The following CUX1 variants were observed in gnomAD, a reference collection of about 807,000 sequenced individuals.
The protein encoded by CUX1 is cut like homeobox 1.
In CUX1, 31 loss-of-function variants were observed where a neutral mutation model predicts 158.8. The observed-to-expected ratio is 0.20, with a 90% CI of 0.15 to 0.26. CUX1 has a LOEUF of 0.26. Among genes scored for constraint, CUX1 ranks in the 10% least tolerant of loss-of-function variants. The probability of loss-of-function intolerance (pLI) is 1.00; values close to 1 mark genes in which losing one functional copy is unlikely to be tolerated. For missense variants in CUX1, 1,589 were observed against 2,014.6 expected, an observed-to-expected ratio of 0.79 and a Z score of 4.04; for synonymous variants, 879 against 862.1, an observed-to-expected ratio of 1.02 and a Z score of -0.34.
At chr7:102,047,785 C>G (rs1823001863) in intron 3 of CUX1, among the ~76,000 whole-genome samples, 1 of 152,070 alleles carries the variant, frequency 6.6e-6, no homozygotes, top group Non-Finnish European at 1.5e-5. Context: ...CTTGGAAAAA[C>G]TCAATATGGA....
intron 15 of CUX1, among the ~76,000 whole-genome samples, chr7:102,198,521 CCTT>C (rs1210400524): frequency 2.6e-5 from 4 of 152,210 alleles, no homozygotes; most frequent in African/African-American, 9.6e-5. Context: ...GGGTGATCCT[CCTT>C]CAAGGCAGTC....
intron 3 of CUX1, among the ~76,000 whole-genome samples, chr7:102,051,588 G>A (rs1823503389): frequency 6.6e-6 from 1 of 150,894 alleles, no homozygotes; most frequent in African/African-American, 2.5e-5. Flanking sequence ...CTGGGAGGCA[G>A]AGGTTGCAGT....
At chr7:101,892,526 C>G (rs1474617646) in intron 1 of CUX1, among the ~76,000 whole-genome samples, 1 of 152,170 alleles carries the variant, frequency 6.6e-6, no homozygotes, top group East Asian at 1.9e-4. Context: ...ATGGTCTCAT[C>G]ATTACTACGT....
At chr7:102,242,681 T>C (rs1396061338) in intron 23 of CUX1, among the ~76,000 whole-genome samples, 1 of 152,214 alleles carries the variant, frequency 6.6e-6, no homozygotes, top group South Asian at 2.1e-4. Context: ...TCCAAAAGTA[T>C]GTTCCCTGGC....
chr7:102,197,416 C>T, intron 15 of CUX1, 111 bp downstream of exon 15: 2 of 1,300,058 alleles, frequency 1.5e-6, no homozygotes, highest in Non-Finnish European at 2.2e-6. Context: ...TTGTGCATCA[C>T]ATCAGGTAAA....
intron 2 of CUX1, among the ~76,000 whole-genome samples, chr7:101,964,278 G>T (rs540279698): frequency 1.4e-3 from 210 of 152,094 alleles, no homozygotes; most frequent in Non-Finnish European, 2.7e-3. Flanking sequence ...GCTTGAACCT[G>T]GGGGGCGGAG....
At chr7:102,136,573 T>C (rs1437142956) in intron 8 of CUX1, among the ~76,000 whole-genome samples, 1 of 152,188 alleles carries the variant, frequency 6.6e-6, no homozygotes, top group African/African-American at 2.4e-5. Context: ...GTATTTTTAA[T>C]GGAGACGGGG....
At chr7:101,957,598 C>T (rs545458580) in intron 2 of CUX1, among the ~76,000 whole-genome samples, 15 of 152,094 alleles carry the variant, frequency 9.9e-5, no homozygotes, top group South Asian at 4.2e-4. Flanking sequence ...TGGTGGCAGG[C>T]GCCTGTAGTC....
intron 8 of CUX1, among the ~76,000 whole-genome samples, chr7:102,117,395 C>T (rs1408070892): frequency 9.4e-5 from 2 of 21,264 alleles, no homozygotes; most frequent in South Asian, 1.2e-3. Flanking sequence ...CAGACTCCAT[C>T]GCAAAAAAAA....
At chr7:101,984,089 AATATATATATATAT>A (rs1195893037) in intron 2 of CUX1, among the ~76,000 whole-genome samples, 1 of 29,846 alleles carries the variant, frequency 3.4e-5, no homozygotes, top group South Asian at 1.1e-3. Context: ...AAAAAAAAAA[AATATATATATATAT>A]ATATATATAT....
At chr7:102,071,662 G>A (rs565626621) in intron 4 of CUX1, among the ~76,000 whole-genome samples, 38 of 152,198 alleles carry the variant, frequency 2.5e-4, no homozygotes, top group Non-Finnish European at 4.3e-4. Flanking sequence ...GGTCTCCTTT[G>A]TACCTGTACT....
chr7:102,212,885 A>G (rs1198056343), intron 20 of CUX1, among the ~76,000 whole-genome samples: 2 of 152,154 alleles, frequency 1.3e-5, no homozygotes, highest in Non-Finnish European at 2.9e-5. Context: ...TCGCTCTGTC[A>G]CCCAGGCTGG....
chr7:102,015,342 C>T (rs969472399), intron 2 of CUX1, among the ~76,000 whole-genome samples: 12 of 152,094 alleles, frequency 7.9e-5, no homozygotes, highest in African/African-American at 2.4e-4. Flanking sequence ...ATTCTCCTGC[C>T]TCAGCCTCCC....
intron 2 of CUX1, among the ~76,000 whole-genome samples, chr7:101,962,912 G>C (rs1394280424): frequency 6.6e-6 from 1 of 151,954 alleles, no homozygotes; most frequent in Non-Finnish European, 1.5e-5. Context: ...GTAGAGACAG[G>C]GTCTTGCCAT....
chr7:101,955,441 G>A (rs748352628), intron 2 of CUX1, among the ~76,000 whole-genome samples: 2 of 152,140 alleles, frequency 1.3e-5, no homozygotes, highest in Non-Finnish European at 2.9e-5. Context: ...TTATAGACTT[G>A]AGGGAACTGA....
chr7:102,132,173 G>A (rs1833318854), intron 8 of CUX1, among the ~76,000 whole-genome samples: 1 of 151,728 alleles, frequency 6.6e-6, no homozygotes, highest in African/African-American at 2.4e-5. Context: ...CGGGTGGATA[G>A]ATGGATGGGC....
At position 102,205,115 on chromosome 7, in the gene CUX1, C is replaced by G; in HGVS notation, c.3075C>G (p.Val1025=). The change falls in exon 20 of 24, where the codon GTC becomes GTG. Residue 1025 remains valine (V), a splice_region_variant and synonymous_variant. Coordinates refer to ENST00000292535, the MANE Select transcript of CUX1 (RefSeq NM_181552.4). The stretch of plus-strand genomic sequence containing the variant: ...AATTATAACCTTTTTCTACTTTAGT[C>G]CTCCACTCCGTGACATCGCTCCAGG... ...LPVQGQQQGP[V]LHSVTSLQDP... 1 of 1,606,124 alleles carries G rather than the reference C, an allele frequency of 6.2e-7. No homozygotes were observed. The highest frequency in any genetic ancestry group is 8.5e-7 in the Non-Finnish European group (1 of 1,173,462).
At chr7:102,063,706 A>G (rs897841171) in intron 3 of CUX1, among the ~76,000 whole-genome samples, 14 of 152,224 alleles carry the variant, frequency 9.2e-5, no homozygotes, top group African/African-American at 3.1e-4. Context: ...AACCCTTTAC[A>G]TATTGAGCAT....
intron 5 of CUX1, among the ~76,000 whole-genome samples, chr7:102,097,924 G>A (rs1441786368): frequency 5.3e-5 from 8 of 152,184 alleles, no homozygotes; most frequent in African/African-American, 1.9e-4. Context: ...CATCTTAAAG[G>A]CTGCATGCTT....
Sources: allele counts gnomAD v4.1 joint callset (sites outside exome capture counted in the v4.1 genomes callset), GRCh38; gene constraint gnomAD v4.1.1; transcripts MANE v1.5; gene names NCBI Gene and HGNC (gene_info 2026-07-23, HGNC 2026-07-21).